CORO2A: variants seen among roughly 807,000 people sequenced by gnomAD.
CORO2A encodes the protein coronin 2A.
CORO2A carries 47 observed loss-of-function variants against 62.4 expected under a neutral mutation model. The ratio of observed to expected loss-of-function variants is 0.75; its 90% CI spans 0.60 to 0.96. CORO2A has a LOEUF of 0.96. Ranked by LOEUF, CORO2A falls within the 40% of genes least tolerant of loss-of-function variation. CORO2A has a pLI of 0.00. For missense variants in CORO2A, 610 were observed against 684.1 expected (o/e 0.89, Z 1.21); for synonymous variants, 273 against 268.9 (o/e 1.02, Z -0.15).
In CORO2A at chr9:98,123,539, A is replaced by G. The variant is rs1827271554; in HGVS notation, c.*1235T>C. ...GAGATGGAGTCTCGCTCTGTCACCC[A>G]GGCTGCAGTGCAGTCCGCAATCGTG... is the stretch of plus-strand genomic sequence containing the variant. On this transcript the variant is annotated 3_prime_UTR_variant, in exon 12 of 12. Transcript: ENST00000375077. The G allele has an allele frequency of 6.9e-6, 1 of 144,864 alleles. No homozygotes were observed. Among genetic ancestry groups the G allele is most frequent in the African/African-American group, 2.6e-5 (1 of 37,808 alleles). The allele number at this position is 144,864 out of a possible 1,614,324, so 9.0% of individuals were successfully genotyped here.
At chr9:98,178,016 C>T (rs1311327908) in intron 1 of CORO2A, among the ~76,000 whole-genome samples, 2 of 152,098 alleles carry the variant, frequency 1.3e-5, no homozygotes, top group Admixed American at 1.3e-4. Flanking sequence ...TGTTAATTCT[C>T]TCACTTTTTT....
chr9:98,183,865 G>A (rs1237769738), intron 1 of CORO2A, among the ~76,000 whole-genome samples: 1 of 152,188 alleles, frequency 6.6e-6, no homozygotes, highest in African/African-American at 2.4e-5. Context: ...GGAGGCTGAG[G>A]CACAAGAATC....
rs1196423918 is a variant in CORO2A at position 98,126,762 on chromosome 9, T to C, written c.1233A>G (p.Ala411=). ...CCATGGAATTGAAGATAGGTCTCTC[T>C]GCAGGCAGTGGGTGGGGTCTCAGCA... ...SELLRPHPLP[A]ERPIFNSMAP... Residue 411 remains alanine (A), a synonymous_variant, in exon 11 of 12, where the codon GCA becomes GCG. Transcript: ENST00000375077. 11 of 1,614,228 alleles carry C rather than the reference T, an allele frequency of 6.8e-6. No homozygotes were observed. Among genetic ancestry groups the C allele is most frequent in the Non-Finnish European group, 9.3e-6 (11 of 1,180,038 alleles).
intron 11 of CORO2A, among the ~76,000 whole-genome samples, chr9:98,126,034 C>CTT (rs11334821): frequency 1.8e-5 from 2 of 113,284 alleles, no homozygotes; most frequent in Admixed American, 9.3e-5. Context: ...TCCCCACCAT[C>CTT]TTTTTTTTTT....
Position 98,135,880 on chromosome 9 carries a change from C to T in CORO2A, c.319-925G>A, listed in dbSNP as rs560342176. On this transcript the variant is annotated intron_variant, in intron 3 of 11. Transcript: ENST00000375077. Reference sequence around the variant, plus strand: ...TACTTCGGTCTGATGAGGGCTGTCACTGCATAGAACCCCGGGAGGAAGACA... The same window carrying T: ...TACTTCGGTCTGATGAGGGCTGTCATTGCATAGAACCCCGGGAGGAAGACA... Among the ~76,000 whole-genome samples, 14 of 152,284 alleles carry T rather than the reference C, an allele frequency of 9.2e-5. No homozygotes were observed. The Middle Eastern group carries it at 0.01, about 111-fold the overall frequency.
intron 1 of CORO2A, among the ~76,000 whole-genome samples, chr9:98,186,540 G>A (rs1828240729): frequency 6.6e-6 from 1 of 152,194 alleles, no homozygotes; most frequent in Non-Finnish European, 1.5e-5. Flanking sequence ...GAGAAGAGGA[G>A]AAGATATGGG....
Position 98,187,834 on chromosome 9 carries a change from A to C in CORO2A, c.-1+4725T>G, listed in dbSNP as rs991485047. ...ATCACACCAATATTCAAATCTGGCC[A>C]TGTTCCTACCCAATTCAAAAGCCTT... On this transcript the variant is annotated intron_variant, in intron 1 of 11. Coordinates refer to ENST00000375077, the MANE Select transcript of CORO2A (RefSeq NM_052820.4). Among the ~76,000 whole-genome samples the C allele has an allele frequency of 3.8e-4, 58 of 152,298 alleles. 1 individual carries two copies. The Middle Eastern group carries it at 0.024, about 63-fold the overall frequency.
In CORO2A at chr9:98,132,286, C is replaced by A; in HGVS notation, c.664G>T (p.Gly222Trp). 1 of 1,613,976 alleles carries A rather than the reference C, an allele frequency of 6.2e-7. No individual in the cohort carries two copies. The highest frequency in any genetic ancestry group is 1.7e-5 in the Admixed American group (1 of 60,012). Residue 222 changes from glycine (G) to tryptophan (W), a missense_variant, in exon 6 of 12, where the codon GGG (glycine) becomes TGG (tryptophan). By Grantham distance (184) the Gly-to-Trp change is radical. Coordinates refer to ENST00000375077, the MANE Select transcript of CORO2A (RefSeq NM_052820.4). The stretch of plus-strand genomic sequence containing the variant: ...AACAGCACTTTGCTGGCCCGGTGCC[C>A]TTTGTAGCTGGCCTCCTGGAGGGAC... ...GTVLQEASYK[G>W]HRASKVLFLG...
intron 8 of CORO2A, 97 bp from the exon 9 acceptor site, chr9:98,128,816 C>T (rs1827365676): frequency 1.1e-6 from 1 of 894,846 alleles, no homozygotes; most frequent in African/African-American, 1.6e-5. Flanking sequence ...GAACAGAGAC[C>T]AGTCTCCTCC....
At chr9:98,177,964 T>A (rs1414551039) in intron 1 of CORO2A, among the ~76,000 whole-genome samples, 1 of 152,236 alleles carries the variant, frequency 6.6e-6, no homozygotes, top group Admixed American at 6.5e-5. Context: ...GTTTTTGTCC[T>A]GGGTCTTGTA....
intron 2 of CORO2A, among the ~76,000 whole-genome samples, chr9:98,148,661 T>G (rs1827680015): frequency 6.6e-6 from 1 of 151,744 alleles, no homozygotes; most frequent in African/African-American, 2.4e-5. Context: ...AGAGGATTGC[T>G]TGAGCCCAGG....
In CORO2A at chr9:98,123,145, A is replaced by C. The variant is rs1488812399; in HGVS notation, c.*1629T>G. The C allele has an allele frequency of 6.6e-6, 1 of 152,288 alleles. No homozygotes were observed. Among genetic ancestry groups the C allele is most frequent in the East Asian group, 1.9e-4 (1 of 5,200 alleles). 9.4% of individuals were successfully genotyped at this position (152,288 alleles called of 1,614,324 possible). On this transcript the variant is annotated 3_prime_UTR_variant, in exon 12 of 12. Coordinates refer to ENST00000375077, the MANE Select transcript of CORO2A (RefSeq NM_052820.4). Reference sequence around the variant, plus strand: ...AGGACTTGCAAGAGGTCACTGAGTAAGCTGGGGCACAGCTGAGGCCAGAAG... The same window carrying C: ...AGGACTTGCAAGAGGTCACTGAGTACGCTGGGGCACAGCTGAGGCCAGAAG...
At chr9:98,140,449 T>A (rs528257407) in intron 2 of CORO2A, among the ~76,000 whole-genome samples, 1 of 152,140 alleles carries the variant, frequency 6.6e-6, no homozygotes, top group East Asian at 1.9e-4. Context: ...CTTGTTTTTT[T>A]TTTTTTTAAG....
chr9:98,172,031 CA>C, intron 1 of CORO2A, among the ~76,000 whole-genome samples: 1 of 152,180 alleles, frequency 6.6e-6, no homozygotes, highest in Admixed American at 6.5e-5. Flanking sequence ...TGTCCAGCTC[CA>C]GTGGGCTGGA....
chr9:98,147,826 T>A (rs9299274), intron 2 of CORO2A, among the ~76,000 whole-genome samples: 100,943 of 152,048 alleles, frequency 0.66, 33,868 homozygotes, highest in African/African-American at 0.75. Context: ...CAAAAATATG[T>A]ACACAAATGT....
intron 2 of CORO2A, among the ~76,000 whole-genome samples, chr9:98,154,352 T>TACAC (rs1554745024): frequency 5.0e-4 from 47 of 93,874 alleles, no homozygotes; most frequent in African/African-American, 1.3e-3. Flanking sequence ...TATATATATA[T>TACAC]ACACAAATAC....
intron 8 of CORO2A, among the ~76,000 whole-genome samples, chr9:98,129,451 C>T (rs1391131065): frequency 6.6e-6 from 1 of 152,206 alleles, no homozygotes; most frequent in Admixed American, 6.5e-5. Flanking sequence ...AGGACTGCTT[C>T]CTAGAGGCTC....
chr9:98,124,741 G>A lies in CORO2A; in HGVS notation c.*33C>T. On this transcript the variant is annotated 3_prime_UTR_variant, in exon 12 of 12. Transcript: ENST00000375077. The stretch of plus-strand genomic sequence containing the variant: ...AAACCTCCCCATGGAGCCGAGTGGT[G>A]TCCCTGAGGGTGAGGAGGGCAGAGG... 3.2e-6 allele frequency: 5 copies of A among 1,567,962 alleles called. No individual in the cohort carries two copies. Among genetic ancestry groups the A allele is most frequent in the Non-Finnish European group, 4.3e-6 (5 of 1,153,584 alleles).
rs1828273856 is a variant in CORO2A, at chr9:98,189,036, C to T, written c.-1+3523G>A. On this transcript the variant is annotated intron_variant, in intron 1 of 11. Transcript: ENST00000375077. ...AGCTCATAATCACACCTTCCTTGTC[C>T]CCACCACACCCTGCCAATCTCTCAA... 2.6e-5 allele frequency among the ~76,000 whole-genome samples: 4 copies of T among 152,252 alleles called. 1 individual carries two copies. The South Asian group carries it at 8.3e-4, about 32-fold the overall frequency.
Sources: gnomAD v4.1 joint callset for allele counts (sites outside exome capture counted in the v4.1 genomes callset) on GRCh38, gnomAD v4.1.1 for gene constraint, MANE v1.5 for transcripts, NCBI Gene and HGNC (gene_info 2026-07-23, HGNC 2026-07-21) for gene names.